SHISA6: variants seen among roughly 807,000 people sequenced by gnomAD.
The protein encoded by SHISA6 is shisa family member 6, also known as protein shisa-6.
In SHISA6, 22 loss-of-function variants were observed where a neutral mutation model predicts 47.9. The observed-to-expected ratio is 0.46, with a 90% CI of 0.33 to 0.66. SHISA6 has a LOEUF of 0.66. Ranked by LOEUF, SHISA6 falls within the 30% of genes least tolerant of loss-of-function variation. The pLI is 0.02. For synonymous variants in SHISA6, 388 were observed against 337.8 expected (o/e 1.15, Z -1.63); for missense variants, 680 against 764.6 (o/e 0.89, Z 1.30).
chr17:11,243,103 A>T (rs1456034303), intron 1 of SHISA6, among the ~76,000 whole-genome samples: 5 of 150,700 alleles, frequency 3.3e-5, no homozygotes, highest in African/African-American at 1.2e-4. Flanking sequence ...CACCATGAGC[A>T]CCCCCCAGAC....
chr17:11,488,129 AG>A (rs1177623506), intron 3 of SHISA6, among the ~76,000 whole-genome samples: 4 of 152,194 alleles, frequency 2.6e-5, no homozygotes, highest in Non-Finnish European at 5.9e-5. Flanking sequence ...GTCCAAGGCC[AG>A]CCCTGTGAGC....
At chr17:11,513,266 C>G (rs140063830) in intron 3 of SHISA6, among the ~76,000 whole-genome samples, 1 of 151,342 alleles carries the variant, frequency 6.6e-6, no homozygotes, top group East Asian at 1.9e-4. Context: ...ACATAAGATA[C>G]ATACATATAT....
intron 2 of SHISA6, among the ~76,000 whole-genome samples, chr17:11,320,661 A>C (rs1367839490): frequency 2.0e-5 from 1 of 49,788 alleles, no homozygotes; most frequent in Non-Finnish European, 4.5e-5. Flanking sequence ...TCCATCACCA[A>C]AAAAAAAAAG....
chr17:11,284,079 C>T (rs1909214916), intron 2 of SHISA6, among the ~76,000 whole-genome samples: 1 of 152,116 alleles, frequency 6.6e-6, no homozygotes, highest in Admixed American at 6.6e-5. Flanking sequence ...CAGACATACA[C>T]ACATTTACAT....
chr17:11,260,420 G>A (rs959772463), intron 1 of SHISA6, among the ~76,000 whole-genome samples: 2 of 152,000 alleles, frequency 1.3e-5, no homozygotes, highest in Non-Finnish European at 2.9e-5. Flanking sequence ...CACATGGGGG[G>A]TGACAGGGCC....
intron 3 of SHISA6, among the ~76,000 whole-genome samples, chr17:11,473,165 T>C (rs1915970403): frequency 6.6e-6 from 1 of 152,224 alleles, no homozygotes; most frequent in Non-Finnish European, 1.5e-5. Context: ...TTCATTTCCA[T>C]GGAGCCCAGC....
intron 2 of SHISA6, among the ~76,000 whole-genome samples, chr17:11,333,911 A>G (rs1911222540): frequency 6.6e-6 from 1 of 152,152 alleles, no homozygotes; most frequent in South Asian, 2.1e-4. Flanking sequence ...CGCTGTGAGG[A>G]TGGTACATTG....
intron 2 of SHISA6, among the ~76,000 whole-genome samples, chr17:11,315,653 A>G (rs1910484264): frequency 6.6e-6 from 1 of 152,144 alleles, no homozygotes; most frequent in African/African-American, 2.4e-5. Flanking sequence ...ATCATACGAT[A>G]TTTCTTTTTT....
At chr17:11,489,430 C>T (rs1025074141) in intron 3 of SHISA6, among the ~76,000 whole-genome samples, 7 of 152,148 alleles carry the variant, frequency 4.6e-5, no homozygotes, top group South Asian at 4.1e-4. Context: ...GTCTTATTTG[C>T]ACCCAGTAAT....
chr17:11,541,188 C>T (rs1464698661), intron 3 of SHISA6, among the ~76,000 whole-genome samples: 1 of 152,200 alleles, frequency 6.6e-6, no homozygotes, highest in African/African-American at 2.4e-5. Context: ...CAGATGGAAA[C>T]CCAGCTGCTC....
At chr17:11,472,355 C>A (rs957062441) in intron 3 of SHISA6, among the ~76,000 whole-genome samples, 1 of 152,132 alleles carries the variant, frequency 6.6e-6, no homozygotes, top group Admixed American at 6.6e-5. Context: ...TGCCACCACA[C>A]CTGGCTAATT....
chr17:11,419,381 A>C (rs2142280016), intron 3 of SHISA6, among the ~76,000 whole-genome samples: 1 of 152,322 alleles, frequency 6.6e-6, no homozygotes, highest in African/African-American at 2.4e-5. Context: ...AGGTTTAACA[A>C]GAAGAAAGGA....
At chr17:11,420,725 A>G (rs1450543467) in intron 3 of SHISA6, among the ~76,000 whole-genome samples, 5 of 152,214 alleles carry the variant, frequency 3.3e-5, no homozygotes, top group African/African-American at 1.2e-4. Context: ...TGACACTGCC[A>G]CCATCCAAAT....
chr17:11,529,460 T>C (rs1216623540), intron 3 of SHISA6, among the ~76,000 whole-genome samples: 1 of 152,184 alleles, frequency 6.6e-6, no homozygotes, highest in Non-Finnish European at 1.5e-5. Context: ...TAATAAATTC[T>C]TATCTCATGA....
At chr17:11,377,051 T>C (rs1449215861) in intron 2 of SHISA6, among the ~76,000 whole-genome samples, 1 of 152,216 alleles carries the variant, frequency 6.6e-6, no homozygotes, top group African/African-American at 2.4e-5. Context: ...ACATAAAAGC[T>C]TCATAGACAG....
chr17:11,271,881 T>C (rs1198986287), intron 2 of SHISA6, among the ~76,000 whole-genome samples: 1 of 152,122 alleles, frequency 6.6e-6, no homozygotes, highest in Non-Finnish European at 1.5e-5. Flanking sequence ...CTTCCCCTCC[T>C]GCGCCCTTCT....
At chr17:11,458,635 G>A (rs1347799376) in intron 3 of SHISA6, among the ~76,000 whole-genome samples, 2 of 152,104 alleles carry the variant, frequency 1.3e-5, no homozygotes, top group African/African-American at 2.4e-5. Context: ...GCTGAGCCAG[G>A]CCCCCTTATT....
chr17:11,492,276 A>G (rs1285505311), intron 3 of SHISA6, among the ~76,000 whole-genome samples: 1 of 152,152 alleles, frequency 6.6e-6, no homozygotes, highest in Non-Finnish European at 1.5e-5. Flanking sequence ...TTAGTGTTCA[A>G]TCTAGGCTCA....
At chr17:11,518,227 T>A (rs749179830) in intron 3 of SHISA6, among the ~76,000 whole-genome samples, 23 of 152,150 alleles carry the variant, frequency 1.5e-4, no homozygotes, top group Admixed American at 7.9e-4. Context: ...ATTTTCTTCT[T>A]TGTAAAATTA....
Sources: gnomAD v4.1 joint callset for allele counts (sites outside exome capture counted in the v4.1 genomes callset) on GRCh38, gnomAD v4.1.1 for gene constraint, MANE v1.5 for transcripts, NCBI Gene and HGNC (gene_info 2026-07-23, HGNC 2026-07-21) for gene names.